RBFOX1: variants seen among roughly 807,000 people sequenced by gnomAD.
RBFOX1 encodes RNA binding protein fox-1 homolog 1.
In RBFOX1, 8 loss-of-function variants were observed where a neutral mutation model predicts 57.7. The observed-to-expected ratio is 0.14, with a 90% CI of 0.08 to 0.25. The LOEUF is 0.25. Among genes scored for constraint, RBFOX1 ranks in the 10% least tolerant of loss-of-function variants. The probability of loss-of-function intolerance (pLI) is 1.00; values close to 1 mark genes in which losing one functional copy is unlikely to be tolerated. For missense variants in RBFOX1, 611 were observed against 548.5 expected (o/e 1.11, Z -1.14); for synonymous variants, 326 against 222.4 (o/e 1.47, Z -4.15).
chr16:6,450,837 G>GTATATACATATATATATA lies in RBFOX1; in HGVS notation c.-64+133781_-64+133782insATATACATATATATATAT, dbSNP rs1555480732. Among the ~76,000 whole-genome samples, 12 of 21,748 alleles carry GTATATACATATATATATA rather than the reference G, an allele frequency of 5.5e-4. 1 individual carries two copies. Among genetic ancestry groups the GTATATACATATATATATA allele is most frequent in the East Asian group, 1.7e-3 (2 of 1,210 alleles). The allele number at this position is 21,748 out of a possible 152,430, so 14.3% of individuals were successfully genotyped here. A position where few individuals can be genotyped will look rare whatever the true frequency, so the allele number is the denominator to read the frequency against. On this transcript the variant is annotated intron_variant, in intron 2 of 15. Coordinates refer to ENST00000550418, the MANE Select transcript of RBFOX1 (RefSeq NM_018723.4). ...TATATACATATATATATATATATATGTGTATATATATATATATATATATAT... is the reference window on the plus strand; with the variant it reads ...TATATACATATATATATATATATATGTATATACATATATATATATGTATATATATATATATATATATAT...
chr16:6,905,181 AT>A (rs531313680), intron 3 of RBFOX1, among the ~76,000 whole-genome samples: 82 of 151,506 alleles, frequency 5.4e-4, no homozygotes, highest in Middle Eastern at 3.4e-3. Context: ...TTCTTTATCC[AT>A]TTTTTTTCTC....
intron 4 of RBFOX1, among the ~76,000 whole-genome samples, chr16:5,930,159 T>C (rs1459625534): frequency 1.3e-5 from 2 of 151,098 alleles, no homozygotes. Flanking sequence ...GTTGGGATTA[T>C]AAGTGACAGA....
At chr16:5,997,014 C>T (rs1165990759) in intron 4 of RBFOX1, among the ~76,000 whole-genome samples, 1 of 150,612 alleles carries the variant, frequency 6.6e-6, no homozygotes, top group African/African-American at 2.5e-5. Flanking sequence ...GAAGCACCTC[C>T]GTCTCTGCTG....
At chr16:5,610,120 G>T (rs970894203) in intron 3 of RBFOX1, among the ~76,000 whole-genome samples, 4 of 152,110 alleles carry the variant, frequency 2.6e-5, no homozygotes, top group African/African-American at 9.7e-5. Flanking sequence ...CACTGGGAGG[G>T]CAGGGAGTTT....
At chr16:6,647,403 C>A (rs974080940) in intron 2 of RBFOX1, among the ~76,000 whole-genome samples, 1 of 152,110 alleles carries the variant, frequency 6.6e-6, no homozygotes, top group African/African-American at 2.4e-5. Context: ...CACCACCATG[C>A]CTGGCTAATT....
intron 4 of RBFOX1, among the ~76,000 whole-genome samples, chr16:7,164,830 C>A (rs990476268): frequency 2.0e-5 from 3 of 152,076 alleles, no homozygotes; most frequent in Admixed American, 2.0e-4. Context: ...TGCTGTTGTA[C>A]TTCTTTGTAG....
At chr16:5,519,941 T>C (rs1321803078) in intron 2 of RBFOX1, among the ~76,000 whole-genome samples, 1 of 152,244 alleles carries the variant, frequency 6.6e-6, no homozygotes, top group Non-Finnish European at 1.5e-5. Flanking sequence ...GCTATAGTTA[T>C]AGTGGTGAGC....
chr16:5,388,485 T>C (rs769788986), intron 1 of RBFOX1, among the ~76,000 whole-genome samples: 3 of 152,156 alleles, frequency 2.0e-5, no homozygotes, highest in African/African-American at 4.8e-5. Flanking sequence ...TGATTGCTAG[T>C]AGGTGGGCTG....
chr16:7,382,537 A>T (rs544413281), intron 4 of RBFOX1, among the ~76,000 whole-genome samples: 1 of 152,238 alleles, frequency 6.6e-6, no homozygotes, highest in Admixed American at 6.5e-5. Flanking sequence ...AGGAAATGGC[A>T]TAACTCACCG....
At chr16:5,890,353 C>G (rs747611531) in intron 4 of RBFOX1, among the ~76,000 whole-genome samples, 1 of 152,284 alleles carries the variant, frequency 6.6e-6, no homozygotes, top group East Asian at 1.9e-4. Context: ...AATTTCACAG[C>G]TGAGTAAACG....
At chr16:6,780,209 TTATATATATTTATA>T (rs1457558067) in intron 3 of RBFOX1, among the ~76,000 whole-genome samples, 2 of 21,528 alleles carry the variant, frequency 9.3e-5, no homozygotes, top group Admixed American at 8.8e-4. Context: ...TTTTATATAT[TTATATATATTTATA>T]TATATATTTA....
chr16:7,516,597 C>A (rs1267728558), intron 4 of RBFOX1, among the ~76,000 whole-genome samples: 1 of 152,198 alleles, frequency 6.6e-6, no homozygotes. Context: ...TCCATGGCCC[C>A]AGTGCTATGG....
At chr16:6,458,739 G>T (rs370280981) in intron 2 of RBFOX1, among the ~76,000 whole-genome samples, 2 of 152,182 alleles carry the variant, frequency 1.3e-5, no homozygotes, top group Non-Finnish European at 1.5e-5. Context: ...AATGAAAAAC[G>T]GTATCTGTGT....
chr16:5,943,713 G>C (rs144355963), intron 4 of RBFOX1, among the ~76,000 whole-genome samples: 1 of 152,186 alleles, frequency 6.6e-6, no homozygotes. Context: ...GAGGCTGAAT[G>C]TATCAACAGT....
At chr16:6,940,812 A>ATC (rs2078273970) in intron 3 of RBFOX1, among the ~76,000 whole-genome samples, 1 of 46,490 alleles carries the variant, frequency 2.2e-5, no homozygotes, top group African/African-American at 7.3e-5. Flanking sequence ...GTGTGTGTGT[A>ATC]GCTGGGAGTA....
chr16:6,204,590 A>G (rs1341585472), intron 1 of RBFOX1, among the ~76,000 whole-genome samples: 1 of 152,198 alleles, frequency 6.6e-6, no homozygotes, highest in East Asian at 1.9e-4. Context: ...GAGCATCATG[A>G]TGGTCAGGGA....
intron 2 of RBFOX1, among the ~76,000 whole-genome samples, chr16:6,628,536 C>G (rs1000725610): frequency 6.6e-6 from 1 of 152,182 alleles, no homozygotes; most frequent in African/African-American, 2.4e-5. Context: ...ATATCCATCA[C>G]TTCATCTACC....
At chr16:6,388,049 A>G (rs1342311560) in intron 2 of RBFOX1, among the ~76,000 whole-genome samples, 1 of 124,812 alleles carries the variant, frequency 8.0e-6, no homozygotes, top group Non-Finnish European at 1.6e-5. Flanking sequence ...GAACGATTTG[A>G]GCTCACTGCA....
intron 3 of RBFOX1, among the ~76,000 whole-genome samples, chr16:6,909,693 T>C (rs2071057230): frequency 6.6e-6 from 1 of 152,172 alleles, no homozygotes; most frequent in African/African-American, 2.4e-5. Flanking sequence ...GCCTAACACG[T>C]GGTACATGCA....
Sources: gnomAD v4.1 joint callset for allele counts (sites outside exome capture counted in the v4.1 genomes callset) on GRCh38, gnomAD v4.1.1 for gene constraint, MANE v1.5 for transcripts, NCBI Gene and HGNC (gene_info 2026-07-23, HGNC 2026-07-21) for gene names.